The following PAPSS2 variants were observed in gnomAD, a reference collection of about 807,000 sequenced individuals.
PAPSS2 encodes the protein bifunctional 3'-phosphoadenosine 5'-phosphosulfate synthase 2.
In PAPSS2, 61 loss-of-function variants were observed where a neutral mutation model predicts 66.5. The observed-to-expected ratio is 0.92, with a 90% CI of 0.75 to 1.14. The LOEUF is 1.14. Ranked by LOEUF, PAPSS2 falls within the 50% of genes most tolerant of loss-of-function variation. The pLI is 0.00. For synonymous variants in PAPSS2, 289 were observed against 287.5 expected (o/e 1.01, Z -0.05); for missense variants, 708 against 789.6 (o/e 0.90, Z 1.24).
chr10:87,709,146 A>G, intron 1 of PAPSS2, 50 bp from the exon 2 acceptor site: 1 of 1,179,328 alleles, frequency 8.5e-7, no homozygotes, highest in East Asian at 2.3e-5. Flanking sequence ...CCAGTGAAGA[A>G]TATGTGTTTT....
At chr10:87,703,692 AC>A in intron 1 of PAPSS2, 2 of 516,250 alleles carry the variant, frequency 3.9e-6, no homozygotes, top group Admixed American at 2.0e-5. Context: ...GGTCTGCTTG[AC>A]TCCAAAATCG....
In PAPSS2 at chr10:87,660,170, G is replaced by A. The variant is rs149375333; in HGVS notation, c.27+162G>A. 4.5e-3 allele frequency among the ~76,000 whole-genome samples: 680 copies of A among 152,272 alleles called. 6 individuals are homozygous for A. Among genetic ancestry groups the A allele is most frequent in the African/African-American group, 0.015 (635 of 41,576 alleles). ...GGGAAGCAAGAGAAAGAGGCTCTGT[G>A]TGGAATTCCCGGGGCAGTCCTCGCC... On this transcript the variant is annotated intron_variant, in intron 1 of 12. Coordinates refer to ENST00000456849, the MANE Select transcript of PAPSS2 (RefSeq NM_001015880.2).
chr10:87,745,356 G>T, intron 12 of PAPSS2, 125 bp downstream of exon 12: 1 of 761,808 alleles, frequency 1.3e-6, no homozygotes. Flanking sequence ...TGAGTCCCTT[G>T]AGAGTCAAGA....
At chr10:87,740,324 T>C (rs1321870562) in intron 9 of PAPSS2, among the ~76,000 whole-genome samples, 1 of 148,472 alleles carries the variant, frequency 6.7e-6, no homozygotes, top group Non-Finnish European at 1.5e-5. Flanking sequence ...TATTAACACA[T>C]GTGTGTGTTT....
At chr10:87,706,827 A>T (rs531594236) in intron 1 of PAPSS2, among the ~76,000 whole-genome samples, 2 of 152,262 alleles carry the variant, frequency 1.3e-5, no homozygotes, top group East Asian at 1.9e-4. Context: ...CAGGGGAGAT[A>T]CTGCTAGACT....
At chr10:87,704,757 T>A (rs1853361616) in intron 1 of PAPSS2, among the ~76,000 whole-genome samples, 1 of 152,192 alleles carries the variant, frequency 6.6e-6, no homozygotes, top group South Asian at 2.1e-4. Context: ...TTCTCCTGCC[T>A]CAGCCTCTCA....
At chr10:87,680,616 A>G (rs1589421943) in intron 1 of PAPSS2, among the ~76,000 whole-genome samples, 1 of 132,158 alleles carries the variant, frequency 7.6e-6, no homozygotes. Flanking sequence ...TAAAGTCCAT[A>G]CAGAAAAATA....
intron 1 of PAPSS2, among the ~76,000 whole-genome samples, chr10:87,681,133 C>T (rs192177027): frequency 6.6e-6 from 1 of 152,270 alleles, no homozygotes; most frequent in East Asian, 1.9e-4. Flanking sequence ...GGACAGCCCT[C>T]CAACACAAAG....
intron 10 of PAPSS2, among the ~76,000 whole-genome samples, chr10:87,742,923 C>T (rs1211365066): frequency 6.6e-6 from 1 of 152,186 alleles, no homozygotes; most frequent in African/African-American, 2.4e-5. Flanking sequence ...CTCTAAAGAC[C>T]CAGGTGTATT....
At chr10:87,666,819 G>A (rs1334782570) in intron 1 of PAPSS2, among the ~76,000 whole-genome samples, 1 of 152,060 alleles carries the variant, frequency 6.6e-6, no homozygotes, top group Non-Finnish European at 1.5e-5. Flanking sequence ...TAGGAACTAG[G>A]TTCCTACTTT....
intron 11 of PAPSS2, among the ~76,000 whole-genome samples, 189 bp downstream of exon 11, chr10:87,743,830 C>T (rs934632957): frequency 6.6e-6 from 1 of 152,122 alleles, no homozygotes; most frequent in Non-Finnish European, 1.5e-5. Context: ...GAAGGCCAGG[C>T]GCAGTGGCTG....
chr10:87,726,018 A>G (rs1265741804), intron 8 of PAPSS2, among the ~76,000 whole-genome samples: 2 of 152,178 alleles, frequency 1.3e-5, no homozygotes, highest in African/African-American at 4.8e-5. Context: ...TGCTGGGATT[A>G]TAGGTGTAAG....
chr10:87,684,913 G>A (rs1388845064), intron 1 of PAPSS2, among the ~76,000 whole-genome samples: 1 of 152,158 alleles, frequency 6.6e-6, no homozygotes, highest in Non-Finnish European at 1.5e-5. Context: ...GAGCTATTTA[G>A]TGAAGCACTT....
intron 1 of PAPSS2, among the ~76,000 whole-genome samples, chr10:87,665,800 G>A (rs191270328): frequency 6.6e-6 from 1 of 152,076 alleles, no homozygotes; most frequent in South Asian, 2.1e-4. Context: ...ACCTCTCTCA[G>A]TGAAGCTGTC....
In PAPSS2 at chr10:87,709,303, G is replaced by A; in HGVS notation, c.135G>A (p.Val45=). ...GGGGTGGGTTCCGAGGATGTACCGT[G>A]TGGCTAACAGGTATGTCATGTTCAT... ...GTRGGFRGCT[V]WLTGLSGAGK... The change falls in exon 2 of 13, where the codon GTG becomes GTA. Residue 45 remains valine, a synonymous_variant. Coordinates refer to ENST00000456849, the MANE Select transcript of PAPSS2 (RefSeq NM_001015880.2). 1.3e-6 allele frequency: 2 copies of A among 1,581,770 alleles called. No homozygotes were observed. Among genetic ancestry groups the A allele is most frequent in the Non-Finnish European group, 1.7e-6 (2 of 1,154,008 alleles).
Position 87,699,095 on chromosome 10 carries a change from T to C in PAPSS2, c.28-10101T>C, listed in dbSNP as rs543394885. On this transcript the variant is annotated intron_variant, in intron 1 of 12. Transcript: ENST00000456849. ...CTCTGAGAGGTTGCCATTTGTCATA[T>C]CAATTTCCAAAAGCTGTTATACCTT... 5.9e-5 allele frequency among the ~76,000 whole-genome samples: 9 copies of C among 152,354 alleles called. No homozygotes were observed. In the South Asian group the frequency reaches 1.4e-3, roughly 25 times the overall value.
chr10:87,729,501 T>G (rs554914592), intron 9 of PAPSS2, among the ~76,000 whole-genome samples: 1 of 152,194 alleles, frequency 6.6e-6, no homozygotes, highest in African/African-American at 2.4e-5. Context: ...ATGTTGTGTG[T>G]GTTCTGCCTT....
chr10:87,679,762 A>G (rs1256494149), intron 1 of PAPSS2, among the ~76,000 whole-genome samples: 4 of 152,150 alleles, frequency 2.6e-5, no homozygotes, highest in Non-Finnish European at 5.9e-5. Context: ...ACAGTGGCTC[A>G]TGTCTGTAAT....
intron 1 of PAPSS2, among the ~76,000 whole-genome samples, chr10:87,667,996 G>C (rs927294744): frequency 3.9e-5 from 6 of 151,924 alleles, no homozygotes; most frequent in African/African-American, 1.2e-4. Context: ...TTTTATGTTG[G>C]GTGTGTGCTT....
Sources: gnomAD v4.1 joint callset for allele counts (sites outside exome capture counted in the v4.1 genomes callset) on GRCh38, gnomAD v4.1.1 for gene constraint, MANE v1.5 for transcripts, NCBI Gene and HGNC (gene_info 2026-07-23, HGNC 2026-07-21) for gene names.